The following RBMS2 variants were observed in gnomAD, a reference collection of about 807,000 sequenced individuals.
RBMS2 encodes the protein RNA-binding motif, single-stranded-interacting protein 2.
In RBMS2, 38 loss-of-function variants were observed where a neutral mutation model predicts 58.4. The observed-to-expected ratio is 0.65, with a 90% CI of 0.50 to 0.85. The LOEUF is 0.85. Ranked by LOEUF, RBMS2 falls within the 40% of genes least tolerant of loss-of-function variation. The pLI is 0.00. For missense variants in RBMS2, 367 were observed against 503.7 expected, an observed-to-expected ratio of 0.73 and a Z score of 2.60; for synonymous variants, 151 against 180.7, an observed-to-expected ratio of 0.84 and a Z score of 1.32.
intron 3 of RBMS2, among the ~76,000 whole-genome samples, chr12:56,569,347 G>A (rs1881905925): frequency 1.3e-5 from 2 of 152,192 alleles, no homozygotes; most frequent in African/African-American, 4.8e-5. Flanking sequence ...GCTTAGCAAA[G>A]TCATGTAAAT....
intron 1 of RBMS2, among the ~76,000 whole-genome samples, chr12:56,554,282 A>G (rs1260989844): frequency 3.3e-5 from 5 of 152,192 alleles, no homozygotes; most frequent in Non-Finnish European, 2.9e-5. Flanking sequence ...TGTGGAAAGC[A>G]TATTTAAAGA....
rs1277176360 is a variant in RBMS2 at position 56,595,649 on chromosome 12, C to T, written c.*6516C>T. 1.3e-5 allele frequency: 2 copies of T among 151,880 alleles called. No homozygotes were observed. The highest frequency in any genetic ancestry group is 4.8e-5 in the African/African-American group (2 of 41,300). The allele number at this position is 151,880 out of a possible 1,614,324, so 9.4% of individuals were successfully genotyped here. On this transcript the variant is annotated 3_prime_UTR_variant, in exon 14 of 14. Coordinates refer to ENST00000262031, the MANE Select transcript of RBMS2 (RefSeq NM_002898.4). Reference sequence around the variant, plus strand: ...TGGGAAGTGGTAAGCTGGTGATGGTCCCATATTTGCTATGACAGGAACACA... The same window carrying T: ...TGGGAAGTGGTAAGCTGGTGATGGTTCCATATTTGCTATGACAGGAACACA...
intron 1 of RBMS2, among the ~76,000 whole-genome samples, chr12:56,531,688 C>T (rs1451978202): frequency 1.3e-5 from 2 of 151,042 alleles, no homozygotes; most frequent in South Asian, 2.1e-4. Flanking sequence ...ATTAGCTGGG[C>T]GTGGTGGTGG....
At chr12:56,526,538 T>C (rs1311903749) in intron 1 of RBMS2, among the ~76,000 whole-genome samples, 1 of 151,532 alleles carries the variant, frequency 6.6e-6, no homozygotes, top group East Asian at 1.9e-4. Context: ...AATTTTTTTT[T>C]CCTTTCTTTG....
chr12:56,532,597 C>A (rs984171979), intron 1 of RBMS2, among the ~76,000 whole-genome samples: 2 of 151,898 alleles, frequency 1.3e-5, no homozygotes, highest in Non-Finnish European at 2.9e-5. Context: ...CTTCTTCTAG[C>A]CATTGTTTCA....
intron 5 of RBMS2, among the ~76,000 whole-genome samples, chr12:56,573,765 T>A (rs1882719763): frequency 6.6e-6 from 1 of 152,014 alleles, no homozygotes; most frequent in Non-Finnish European, 1.5e-5. Flanking sequence ...TTTTTTTTTT[T>A]TTTGAGACGG....
chr12:56,523,141 T>C (rs1239412611), intron 1 of RBMS2, among the ~76,000 whole-genome samples: 1 of 152,168 alleles, frequency 6.6e-6, no homozygotes, highest in East Asian at 1.9e-4. Context: ...TGTTGATTTA[T>C]GGGCTTAGTC....
At chr12:56,522,953 T>G (rs1400347281) in intron 1 of RBMS2, among the ~76,000 whole-genome samples, 1 of 152,192 alleles carries the variant, frequency 6.6e-6, no homozygotes, top group Non-Finnish European at 1.5e-5. Flanking sequence ...TAGCTGTTCT[T>G]TGAAGAAAAA....
At chr12:56,525,561 C>T (rs1400138887) in intron 1 of RBMS2, among the ~76,000 whole-genome samples, 1 of 151,916 alleles carries the variant, frequency 6.6e-6, no homozygotes, top group Non-Finnish European at 1.5e-5. Context: ...TATCACTCTG[C>T]AGTCTGGGCT....
rs751712289 is a variant in RBMS2, at chr12:56,581,281, C to T, written c.622+18C>T. 4 of 1,591,790 alleles carry T rather than the reference C, an allele frequency of 2.5e-6. No homozygotes were observed. The highest frequency in any genetic ancestry group is 1.3e-5 in the African/African-American group (1 of 74,352). On this transcript the variant is annotated intron_variant, in intron 6 of 13. Transcript: ENST00000262031. Reference sequence around the variant, plus strand: ...AGTACCAGGTGAGGCATCTGGGGCTCAGGCTGAGAGGGCCACAGGTTGTTA... The same window carrying T: ...AGTACCAGGTGAGGCATCTGGGGCTTAGGCTGAGAGGGCCACAGGTTGTTA...
rs1885180379 is a variant in RBMS2, at chr12:56,589,910, T to A, written c.*777T>A. On this transcript the variant is annotated 3_prime_UTR_variant, in exon 14 of 14. Coordinates refer to ENST00000262031, the MANE Select transcript of RBMS2 (RefSeq NM_002898.4). ...ACAAGGCAGAACACTAAGTAGGCCATGGAAGTGGCTGTTCTTTCCCCCACC... is the reference window on the plus strand; with the variant it reads ...ACAAGGCAGAACACTAAGTAGGCCAAGGAAGTGGCTGTTCTTTCCCCCACC... 1 of 152,450 alleles carries A rather than the reference T, an allele frequency of 6.6e-6. No individual in the cohort carries two copies. The highest frequency in any genetic ancestry group is 6.5e-5 in the Admixed American group (1 of 15,274). The allele number at this position is 152,450 out of a possible 1,614,324, so 9.4% of individuals were successfully genotyped here. A position where few individuals can be genotyped will look rare whatever the true frequency, so the allele number is the denominator to read the frequency against.
At position 56,586,975 on chromosome 12, in the gene RBMS2, GA is replaced by G. The variant is rs760964393; in HGVS notation, c.951+55del. 16 of 1,560,890 alleles carry G rather than the reference GA, an allele frequency of 1.0e-5. No homozygotes were observed. In the East Asian group the frequency reaches 1.1e-4, roughly 11 times the overall value. On this transcript the variant is annotated intron_variant, in intron 10 of 13. Transcript: ENST00000262031. ...AGCCAAAGAGGCAATTTGATGTAAA[GA>G]AAAAACTGGCTGGGCACTGTGGCTC...
chr12:56,553,612 G>C (rs141280689), intron 1 of RBMS2, among the ~76,000 whole-genome samples: 4,076 of 152,024 alleles, frequency 0.027, 192 homozygotes, highest in African/African-American at 0.092. Flanking sequence ...ACAAGCATGA[G>C]CCACTGCACC....
At chr12:56,536,391 T>G (rs1874836817) in intron 1 of RBMS2, among the ~76,000 whole-genome samples, 1 of 151,960 alleles carries the variant, frequency 6.6e-6, no homozygotes, top group South Asian at 2.1e-4. Flanking sequence ...CCCAAAGTGC[T>G]GGGATCACAA....
intron 1 of RBMS2, among the ~76,000 whole-genome samples, chr12:56,533,984 G>C (rs1417624965): frequency 3.3e-5 from 5 of 152,020 alleles, no homozygotes. Context: ...ATGAGGAAAA[G>C]TGAGTTACAG....
At chr12:56,530,605 C>G (rs799261) in intron 1 of RBMS2, among the ~76,000 whole-genome samples, 19,566 of 152,058 alleles carry the variant, frequency 0.13, 1,474 homozygotes, top group Middle Eastern at 0.18. Flanking sequence ...AGTGATTCTC[C>G]CACCTCAGCC....
chr12:56,542,499 T>C (rs923894035), intron 1 of RBMS2, among the ~76,000 whole-genome samples: 2 of 151,436 alleles, frequency 1.3e-5, no homozygotes, highest in African/African-American at 4.8e-5. Flanking sequence ...GGCTTATAGT[T>C]AACGAAAACC....
At chr12:56,565,617 AAG>A (rs1230914824) in intron 2 of RBMS2, among the ~76,000 whole-genome samples, 3 of 152,172 alleles carry the variant, frequency 2.0e-5, no homozygotes, top group Non-Finnish European at 4.4e-5. Context: ...GCAGGAATGA[AAG>A]AGGTGCCAGA....
intron 5 of RBMS2, among the ~76,000 whole-genome samples, chr12:56,579,836 T>C (rs1883667496): frequency 9.2e-6 from 1 of 108,722 alleles, no homozygotes; most frequent in African/African-American, 3.5e-5. Context: ...ATTATCTCCT[T>C]TGATCTACAC....
Sources: allele counts gnomAD v4.1 joint callset (sites outside exome capture counted in the v4.1 genomes callset), GRCh38; gene constraint gnomAD v4.1.1; transcripts MANE v1.5; gene names NCBI Gene and HGNC (gene_info 2026-07-23, HGNC 2026-07-21).